The following LYPD6B variants were observed in gnomAD, a reference collection of about 807,000 sequenced individuals.
LYPD6B encodes ly6/PLAUR domain-containing protein 6B.
Under a neutral mutation model 22.8 loss-of-function variants are expected in LYPD6B, and 17 were observed. The observed-to-expected ratio is 0.75, with a 90% confidence interval of 0.51 to 1.12. The LOEUF is 1.12. Ranked by LOEUF, LYPD6B falls within the 50% of genes most tolerant of loss-of-function variation. The pLI is 0.00. For synonymous variants in LYPD6B, 106 were observed against 91.6 expected (o/e 1.16, Z -0.90); for missense variants, 221 against 258.3 (o/e 0.86, Z 0.99).
At chr2:149,187,474 C>T in intron 3 of LYPD6B, 1 of 1,517,924 alleles carries the variant, frequency 6.6e-7, no homozygotes, top group Non-Finnish European at 8.8e-7. Context: ...GTAAACCAAA[C>T]AAAGGAAATG....
chr2:149,066,741 CCTTCT>C (rs1015706072), intron 1 of LYPD6B, among the ~76,000 whole-genome samples: 32 of 152,036 alleles, frequency 2.1e-4, no homozygotes, highest in East Asian at 5.8e-4. Flanking sequence ...CAACATTCTC[CCTTCT>C]CTTCTCTTCT....
intron 2 of LYPD6B, among the ~76,000 whole-genome samples, chr2:149,154,987 G>A (rs904240329): frequency 2.0e-5 from 3 of 152,148 alleles, no homozygotes; most frequent in South Asian, 4.1e-4. Context: ...GCATATGGAA[G>A]CTTTGTTTCT....
chr2:149,095,567 GT>G (rs1470278784), intron 1 of LYPD6B, among the ~76,000 whole-genome samples: 3 of 152,176 alleles, frequency 2.0e-5, no homozygotes, highest in African/African-American at 7.2e-5. Context: ...ATTGCTTTAT[GT>G]TTGGTGCTGA....
intron 2 of LYPD6B, among the ~76,000 whole-genome samples, chr2:149,157,790 C>G (rs1689802966): frequency 6.6e-6 from 1 of 152,154 alleles, no homozygotes; most frequent in South Asian, 2.1e-4. Flanking sequence ...CACACGGAAG[C>G]CTGGTTACCT....
chr2:149,129,058 A>C (rs1687867108), intron 1 of LYPD6B, among the ~76,000 whole-genome samples: 1 of 152,158 alleles, frequency 6.6e-6, no homozygotes, highest in Admixed American at 6.5e-5. Context: ...TGAATGGGTG[A>C]ATAACAAAGG....
intron 1 of LYPD6B, among the ~76,000 whole-genome samples, chr2:149,097,112 G>A (rs1181427599): frequency 6.6e-6 from 1 of 152,200 alleles, no homozygotes; most frequent in Non-Finnish European, 1.5e-5. Flanking sequence ...TAGAGAAGTG[G>A]ATCCTGAAAG....
In LYPD6B at chr2:149,082,404, A is replaced by G. The variant is rs140647532; in HGVS notation, c.-67+43603A>G. On this transcript the variant is annotated intron_variant, in intron 1 of 6. Coordinates refer to ENST00000409642, the MANE Select transcript of LYPD6B (RefSeq NM_177964.5). ...TTTTGACTGTGATATATTCTTTCTC[A>G]TGATAAATGATTATAGATGCCTAGA... 3.9e-5 allele frequency among the ~76,000 whole-genome samples: 6 copies of G among 152,328 alleles called. No homozygotes were observed. In the East Asian group the frequency reaches 1.2e-3, roughly 29 times the overall value.
intron 4 of LYPD6B, among the ~76,000 whole-genome samples, chr2:149,205,624 G>C (rs1693462702): frequency 6.6e-6 from 1 of 152,104 alleles, no homozygotes; most frequent in Non-Finnish European, 1.5e-5. Flanking sequence ...AGTTTTAAAA[G>C]CATTCTTGTT....
intron 2 of LYPD6B, among the ~76,000 whole-genome samples, chr2:149,139,053 A>G (rs1005325923): frequency 3.9e-5 from 6 of 152,212 alleles, no homozygotes; most frequent in Admixed American, 2.6e-4. Context: ...CATTTATTCA[A>G]TGAGGATACA....
At chr2:149,105,724 A>G (rs577280553) in intron 1 of LYPD6B, among the ~76,000 whole-genome samples, 9 of 152,072 alleles carry the variant, frequency 5.9e-5, no homozygotes, top group Non-Finnish European at 1.3e-4. Flanking sequence ...CAGATTTTCT[A>G]CATAGATTAT....
chr2:149,155,164 T>C (rs902628743), intron 2 of LYPD6B, among the ~76,000 whole-genome samples: 1 of 152,204 alleles, frequency 6.6e-6, no homozygotes, highest in African/African-American at 2.4e-5. Flanking sequence ...GCCCTGGAAC[T>C]TACAGGCTGA....
intron 3 of LYPD6B, chr2:149,200,850 C>T (rs1479515236): frequency 1.3e-5 from 2 of 152,196 alleles, no homozygotes; most frequent in South Asian, 2.1e-4. Flanking sequence ...GCAGAAATCC[C>T]TTCCTTCTGG....
intron 1 of LYPD6B, among the ~76,000 whole-genome samples, chr2:149,071,819 AG>A (rs1684617649): frequency 6.6e-6 from 1 of 152,238 alleles, no homozygotes; most frequent in South Asian, 2.1e-4. Flanking sequence ...AAGGTCTCTC[AG>A]TCCAGATTTT....
intron 1 of LYPD6B, among the ~76,000 whole-genome samples, chr2:149,127,827 A>C (rs1575021066): frequency 6.6e-6 from 1 of 152,118 alleles, no homozygotes; most frequent in Admixed American, 6.5e-5. Flanking sequence ...CTAAGTGTCA[A>C]ATGAGACCTG....
chr2:149,109,410 C>CAA (rs1216896989), intron 1 of LYPD6B, among the ~76,000 whole-genome samples: 3 of 152,120 alleles, frequency 2.0e-5, no homozygotes, highest in Non-Finnish European at 2.9e-5. Context: ...CCTCTGTGCA[C>CAA]AATTTGCCCT....
chr2:149,041,112 A>G (rs528783760), intron 1 of LYPD6B, among the ~76,000 whole-genome samples: 1 of 152,172 alleles, frequency 6.6e-6, no homozygotes, highest in African/African-American at 2.4e-5. Flanking sequence ...AAAAAAAAAA[A>G]AAAAAAGAAA....
At chr2:149,200,351 A>G (rs1693071213) in intron 3 of LYPD6B, among the ~76,000 whole-genome samples, 2 of 152,084 alleles carry the variant, frequency 1.3e-5, no homozygotes, top group South Asian at 2.1e-4. Context: ...ATCACCTTTC[A>G]TCATTTCTTT....
chr2:149,143,957 G>A (rs1156917861), intron 2 of LYPD6B: 1 of 152,236 alleles, frequency 6.6e-6, no homozygotes, highest in Non-Finnish European at 1.5e-5. Context: ...GCATAATTGG[G>A]TAAGTGTGGT....
intron 3 of LYPD6B, among the ~76,000 whole-genome samples, chr2:149,174,555 T>A (rs919892589): frequency 2.6e-5 from 4 of 152,152 alleles, no homozygotes; most frequent in African/African-American, 9.7e-5. Context: ...TGAGATATGG[T>A]CCTTTAATAC....
Sources: gnomAD v4.1 joint callset for allele counts (sites outside exome capture counted in the v4.1 genomes callset) on GRCh38, gnomAD v4.1.1 for gene constraint, MANE v1.5 for transcripts, NCBI Gene and HGNC (gene_info 2026-07-23, HGNC 2026-07-21) for gene names.